Variants in AKAP7 observed in about 807,000 individuals in gnomAD.
AKAP7 encodes the protein A kinase (PRKA) anchor protein 7.
A neutral mutation model predicts 39.5 loss-of-function variants in AKAP7; 39 were observed. The ratio of observed to expected loss-of-function variants is 0.99; its 90% CI spans 0.76 to 1.29. The LOEUF is 1.29. AKAP7 is among the 50% of genes most tolerant of loss of function. The probability of loss-of-function intolerance (pLI) is 0.00; values close to 1 mark genes in which losing one functional copy is unlikely to be tolerated. For missense variants in AKAP7, 414 were observed against 407.7 expected (o/e 1.02, Z -0.13); for synonymous variants, 140 against 139.1 (o/e 1.01, Z -0.05).
rs574350515 is a variant in AKAP7, at chr6:131,149,206, G to T, written c.151+3790G>T. ...TTCAAAACTAACCAAAACATGTAGA[G>T]ACTTTTATTAGGGTTATAGTTTAGA... is the stretch of plus-strand genomic sequence containing the variant. On this transcript the variant is annotated intron_variant, in intron 2 of 7. Coordinates refer to ENST00000431975, the MANE Select transcript of AKAP7 (RefSeq NM_016377.4). Among the ~76,000 whole-genome samples, 7 of 152,312 alleles carry T rather than the reference G, an allele frequency of 4.6e-5. No homozygotes were observed. The South Asian group carries it at 1.2e-3, about 27-fold the overall frequency.
chr6:131,259,986 T>G (rs191357274), intron 7 of AKAP7, among the ~76,000 whole-genome samples: 74 of 152,092 alleles, frequency 4.9e-4, no homozygotes, highest in Middle Eastern at 3.4e-3. Context: ...TGTGTGCTGT[T>G]CCCCTCCCTG....
At chr6:131,265,068 C>T (rs567797542) in intron 7 of AKAP7, among the ~76,000 whole-genome samples, 1 of 152,138 alleles carries the variant, frequency 6.6e-6, no homozygotes, top group Non-Finnish European at 1.5e-5. Flanking sequence ...ACATCTAAAC[C>T]ATATTAATAG....
At chr6:131,143,148 C>T (rs181518859) in intron 1 of AKAP7, among the ~76,000 whole-genome samples, 8 of 152,212 alleles carry the variant, frequency 5.3e-5, no homozygotes, top group Non-Finnish European at 7.4e-5. Flanking sequence ...AATGCTGGAA[C>T]GAGTTGACCT....
At chr6:131,126,689 G>A in the AKAP7 span, among the ~76,000 whole-genome samples, 3 of 152,178 alleles carry the variant, frequency 2.0e-5, no homozygotes, top group African/African-American at 4.8e-5. Flanking sequence ...TTAAATGCTC[G>A]TGGCGTGAAT....
At chr6:131,183,724 G>A (rs796594800) in intron 5 of AKAP7, among the ~76,000 whole-genome samples, 12 of 152,246 alleles carry the variant, frequency 7.9e-5, no homozygotes, top group African/African-American at 2.9e-4. Flanking sequence ...ACTGGGACAG[G>A]GCAGAGCCAG....
chr6:131,195,554 T>A (rs1806841113), intron 5 of AKAP7, among the ~76,000 whole-genome samples: 1 of 152,202 alleles, frequency 6.6e-6, no homozygotes, highest in Admixed American at 6.5e-5. Context: ...TGATTTCTTA[T>A]TGCTCATTAA....
At chr6:131,137,214 G>A (rs1299657731) in intron 1 of AKAP7, among the ~76,000 whole-genome samples, 1 of 151,910 alleles carries the variant, frequency 6.6e-6, no homozygotes, top group Non-Finnish European at 1.5e-5. Context: ...CCTTCTCTGA[G>A]TGCTGGGATT....
chr6:131,190,586 A>G lies in AKAP7; in HGVS notation c.590-8875A>G, dbSNP rs1806310297. On this transcript the variant is annotated intron_variant, in intron 5 of 7. Coordinates refer to ENST00000431975, the MANE Select transcript of AKAP7 (RefSeq NM_016377.4). ...TAACTTGGGAGGTGGTGGAGGTTGC[A>G]GTGAGCTGAGATTGTACCATTGCAA... Among the ~76,000 whole-genome samples, 3 of 152,012 alleles carry G rather than the reference A, an allele frequency of 2.0e-5. No homozygotes were observed. The South Asian group carries it at 6.3e-4, about 32-fold the overall frequency.
intron 7 of AKAP7, among the ~76,000 whole-genome samples, chr6:131,225,610 G>A (rs1810096647): frequency 6.6e-6 from 1 of 151,960 alleles, no homozygotes; most frequent in Admixed American, 6.6e-5. Context: ...ATTATGATTA[G>A]CATTATCTTC....
intron 2 of AKAP7, among the ~76,000 whole-genome samples, chr6:131,147,978 T>C (rs532398219): frequency 3.5e-4 from 53 of 152,350 alleles, no homozygotes; most frequent in African/African-American, 1.2e-3. Flanking sequence ...CATATTCTTA[T>C]ATCTCTACTG....
Position 131,270,600 on chromosome 6 carries a change from T to G in AKAP7, c.851-10930T>G, listed in dbSNP as rs1464646965. The stretch of plus-strand genomic sequence containing the variant: ...TCAAGTCTAGCTAGAAGTAGATTAA[T>G]GGGTTGCGTTGTAAGAATATGGTCA... On this transcript the variant is annotated intron_variant, in intron 7 of 7. Coordinates refer to ENST00000431975, the MANE Select transcript of AKAP7 (RefSeq NM_016377.4). Among the ~76,000 whole-genome samples the G allele has an allele frequency of 2.6e-5, 4 of 152,358 alleles. No individual in the cohort carries two copies. The East Asian group carries it at 7.7e-4, about 29-fold the overall frequency.
At chr6:131,278,537 G>A (rs1191852985) in intron 7 of AKAP7, among the ~76,000 whole-genome samples, 5 of 152,194 alleles carry the variant, frequency 3.3e-5, no homozygotes, top group Admixed American at 2.0e-4. Context: ...AAGAGGTTTA[G>A]TTGGCTCATG....
chr6:131,257,367 CAAAAAAA>C (rs10712918), intron 7 of AKAP7, among the ~76,000 whole-genome samples: 1 of 89,618 alleles, frequency 1.1e-5, no homozygotes, highest in African/African-American at 4.4e-5. Context: ...GGCCTTGTCT[CAAAAAAA>C]AAAAAAAAAA....
intron 3 of AKAP7, 109 bp from the exon 4 acceptor site, chr6:131,164,972 C>T: frequency 1.2e-6 from 1 of 812,536 alleles, no homozygotes; most frequent in Non-Finnish European, 1.9e-6. Flanking sequence ...TAACATTGTT[C>T]TAATTTTGGT....
At chr6:131,167,686 C>T (rs559716987) in intron 4 of AKAP7, among the ~76,000 whole-genome samples, 137 of 151,566 alleles carry the variant, frequency 9.0e-4, no homozygotes, top group African/African-American at 3.2e-3. Flanking sequence ...ATTTCCAAAG[C>T]GAAATGACAA....
intron 1 of AKAP7, among the ~76,000 whole-genome samples, chr6:131,139,724 G>GC (rs1450814008): frequency 6.6e-6 from 1 of 152,212 alleles, no homozygotes; most frequent in African/African-American, 2.4e-5. Context: ...TGAACTCAGT[G>GC]CTAGGCATGG....
chr6:131,126,377 G>A, the AKAP7 span, among the ~76,000 whole-genome samples: 1 of 152,054 alleles, frequency 6.6e-6, no homozygotes, highest in Admixed American at 6.6e-5. Flanking sequence ...ATGTTGAGTC[G>A]ATATCCACAA....
intron 6 of AKAP7, among the ~76,000 whole-genome samples, chr6:131,214,995 G>A (rs935138345): frequency 6.6e-6 from 1 of 151,850 alleles, no homozygotes; most frequent in African/African-American, 2.4e-5. Flanking sequence ...TCTTATCTGT[G>A]GATAATAGTG....
intron 7 of AKAP7, among the ~76,000 whole-genome samples, chr6:131,254,913 A>G (rs1178077011): frequency 6.6e-6 from 1 of 152,184 alleles, no homozygotes; most frequent in African/African-American, 2.4e-5. Context: ...ATATGAGTCA[A>G]ATGTTGAGAT....
Sources: gnomAD v4.1 joint callset for allele counts (sites outside exome capture counted in the v4.1 genomes callset) on GRCh38, gnomAD v4.1.1 for gene constraint, MANE v1.5 for transcripts, NCBI Gene and HGNC (gene_info 2026-07-23, HGNC 2026-07-21) for gene names.